PTCHD1: variants seen among roughly 807,000 people sequenced by gnomAD.
PTCHD1 encodes patched domain containing 1.
PTCHD1 carries 3 observed loss-of-function variants against 34.6 expected under a neutral mutation model. That is an observed-to-expected ratio of 0.09 (90% confidence interval 0.04 to 0.22). The LOEUF is 0.22. Ranked by LOEUF, PTCHD1 falls within the 10% of genes least tolerant of loss-of-function variation. The pLI, the probability that PTCHD1 is intolerant of heterozygous loss-of-function variation, is 1.00. For missense variants in PTCHD1, 504 were observed against 685.5 expected, an observed-to-expected ratio of 0.74 and a Z score of 2.96; for synonymous variants, 305 against 283.1, an observed-to-expected ratio of 1.08 and a Z score of -0.77.
rs1442336602 is a variant in PTCHD1 at position 23,395,649 on chromosome X, T to A, written c.*1464T>A. 1 of 112,094 alleles carries A rather than the reference T, an allele frequency of 8.9e-6. No homozygotes were observed. Among genetic ancestry groups the A allele is most frequent in the African/African-American group, 3.2e-5 (1 of 30,783 alleles). 9.2% of individuals were successfully genotyped at this position (112,094 alleles called of 1,213,427 possible). A position where few individuals can be genotyped will look rare whatever the true frequency, so the allele number is the denominator to read the frequency against. Reference sequence around the variant, plus strand: ...TAGATCTAAACAGAAATGGTTTAGATCTAAAAAGGCTGTATACGTTGCCCA... The same window carrying A: ...TAGATCTAAACAGAAATGGTTTAGAACTAAAAAGGCTGTATACGTTGCCCA... On this transcript the variant is annotated 3_prime_UTR_variant, in exon 3 of 3. Transcript: ENST00000379361.
At position 23,334,980 on chromosome X, in the gene PTCHD1, C is replaced by T; in HGVS notation, c.105C>T (p.Ile35=). 1 of 1,210,226 alleles carries T rather than the reference C, an allele frequency of 8.3e-7. No individual in the cohort carries two copies. Among genetic ancestry groups the T allele is most frequent in the Non-Finnish European group, 1.1e-6 (1 of 894,663 alleles). ...PVFFASAPVL[I]SILLGASFSR... ...TCTTCGCCTCGGCGCCGGTGCTCAT[C>T]TCCATCCTGCTCGGCGCCAGCTTCA... The change falls in exon 1 of 3, where the codon ATC becomes ATT. Residue 35 remains isoleucine (I), a synonymous_variant. Transcript: ENST00000379361.
intron 1 of PTCHD1, among the ~76,000 whole-genome samples, chrX:23,354,446 G>C (rs913662694): frequency 2.9e-5 from 3 of 105,054 alleles, no homozygotes; most frequent in Non-Finnish European, 3.9e-5. Flanking sequence ...GAGAGAGAGA[G>C]AGAGAGAAAC....
In PTCHD1 at chrX:23,401,291, C is replaced by T. The variant is rs1054252766; in HGVS notation, c.*7106C>T. 5.3e-5 allele frequency: 6 copies of T among 112,375 alleles called. No individual in the cohort carries two copies. Among genetic ancestry groups the T allele is most frequent in the African/African-American group, 9.7e-5 (3 of 30,894 alleles). 9.3% of individuals were successfully genotyped at this position (112,375 alleles called of 1,213,427 possible). ...GGCTCATGCTCAGGAAAACTAATAA[C>T]GTTCTCTTTGACAAAACAATTTCCT... On this transcript the variant is annotated 3_prime_UTR_variant, in exon 3 of 3. Transcript: ENST00000379361.
intron 1 of PTCHD1, among the ~76,000 whole-genome samples, chrX:23,373,940 C>T (rs931574488): frequency 1.8e-5 from 2 of 111,326 alleles, no homozygotes; most frequent in African/African-American, 3.3e-5. Context: ...TATTTGGGGA[C>T]GGATGATATA....
upstream of PTCHD1, chrX:23,334,677 C>G: frequency 9.4e-6 from 1 of 106,199 alleles, no homozygotes; most frequent in Non-Finnish European, 2.0e-5. Flanking sequence ...GTCTCCGGCT[C>G]GAGGGGACCC....
intron 2 of PTCHD1, among the ~76,000 whole-genome samples, chrX:23,388,131 A>G (rs756206238): frequency 3.6e-5 from 4 of 111,195 alleles, no homozygotes; most frequent in African/African-American, 6.6e-5. Context: ...ATGACTCCCA[A>G]TAACACCACA....
At chrX:23,392,051 CTTTCT>C (rs1329086996) in intron 2 of PTCHD1, among the ~76,000 whole-genome samples, 1 of 72,045 alleles carries the variant, frequency 1.4e-5, no homozygotes, top group Non-Finnish European at 2.5e-5. Flanking sequence ...CTTTTTTTTT[CTTTCT>C]TTTTTCTTTC....
chrX:23,353,274 C>A (rs1214758932), intron 1 of PTCHD1, among the ~76,000 whole-genome samples: 2 of 112,572 alleles, frequency 1.8e-5, no homozygotes, highest in Middle Eastern at 4.6e-3. Flanking sequence ...TCTCATGAGT[C>A]TTAAAGGTTT....
At chrX:23,363,774 C>T (rs777749196) in intron 1 of PTCHD1, among the ~76,000 whole-genome samples, 8 of 112,597 alleles carry the variant, frequency 7.1e-5, no homozygotes, top group Non-Finnish European at 1.3e-4. Flanking sequence ...TGTTCCTATT[C>T]GGCCATCTTG....
intron 1 of PTCHD1, among the ~76,000 whole-genome samples, chrX:23,358,500 T>G (rs1446157590): frequency 1.8e-5 from 2 of 112,249 alleles, no homozygotes; most frequent in African/African-American, 3.2e-5. Context: ...GGTTGTTTGT[T>G]TTTTTCTTGT....
chrX:23,379,464 T>C, intron 1 of PTCHD1, 127 bp from the exon 2 acceptor site: 3 of 694,698 alleles, frequency 4.3e-6, no homozygotes, highest in Non-Finnish European at 6.4e-6. Context: ...TCCTACTACC[T>C]ATTTCTGATC....
rs779683290 is a variant in PTCHD1 at position 23,401,608 on chromosome X, TACAC to T, written c.*7427_*7430del. On this transcript the variant is annotated 3_prime_UTR_variant, in exon 3 of 3. Coordinates refer to ENST00000379361, the MANE Select transcript of PTCHD1 (RefSeq NM_173495.3). ...ACCTGTACATATGCACATGCTTACA[TACAC>T]ACATATCACAGATGTGCATGCACAC... 4 of 113,008 alleles carry T rather than the reference TACAC, an allele frequency of 3.5e-5. No individual in the cohort carries two copies. Among genetic ancestry groups the T allele is most frequent in the East Asian group, 2.8e-4 (1 of 3,608 alleles). The allele number at this position is 113,008 out of a possible 1,213,427, so 9.3% of individuals were successfully genotyped here.
At chrX:23,344,166 T>C (rs1921414665) in intron 1 of PTCHD1, among the ~76,000 whole-genome samples, 1 of 112,266 alleles carries the variant, frequency 8.9e-6, no homozygotes, top group Non-Finnish European at 1.9e-5. Context: ...AATTTAACTG[T>C]TGTAAACAGA....
At chrX:23,359,759 C>G (rs1294603856) in intron 1 of PTCHD1, among the ~76,000 whole-genome samples, 1 of 111,925 alleles carries the variant, frequency 8.9e-6, no homozygotes, top group African/African-American at 3.3e-5. Context: ...AGTTTTTGCC[C>G]ATTCAGTATG....
chrX:23,388,729 G>A (rs979455621), intron 2 of PTCHD1, among the ~76,000 whole-genome samples: 1 of 112,002 alleles, frequency 8.9e-6, no homozygotes, highest in African/African-American at 3.2e-5. Context: ...TACCCAGGAG[G>A]CTGAGGCAGG....
Position 23,334,923 on chromosome X carries a change from G to A in PTCHD1, c.48G>A (p.Arg16=). ...LHRGLRTCFS[R]LGHFIASHPV... ...GGGGCTTGAGGACGTGTTTCTCCCG[G>A]CTCGGCCACTTCATTGCCAGTCACC... The change falls in exon 1 of 3, where the codon CGG becomes CGA. Residue 16 remains arginine, a synonymous_variant. Transcript: ENST00000379361. 1 of 1,202,105 alleles carries A rather than the reference G, an allele frequency of 8.3e-7. No homozygotes were observed. The highest frequency in any genetic ancestry group is 1.1e-6 in the Non-Finnish European group (1 of 890,931).
Position 23,380,040 on chromosome X carries a change from A to C in PTCHD1, c.801A>C (p.Val267=), listed in dbSNP as rs778929986. 10 of 1,211,862 alleles carry C rather than the reference A, an allele frequency of 8.3e-6. No homozygotes were observed. Among genetic ancestry groups the C allele is most frequent in the Admixed American group, 2.2e-5 (1 of 46,087 alleles). ...AAGATTTCCAGAAGACCAGCCGCGT[A>C]TCAGAACGTTACCTGGTCACCAGCC... The part of the protein sequence containing the change: ...LREDFQKTSR[V]SERYLVTSLI... Residue 267 remains valine (V), a synonymous_variant, in exon 2 of 3, where the codon GTA becomes GTC. Coordinates refer to ENST00000379361, the MANE Select transcript of PTCHD1 (RefSeq NM_173495.3).
At chrX:23,363,497 C>A (rs1922048126) in intron 1 of PTCHD1, among the ~76,000 whole-genome samples, 1 of 113,020 alleles carries the variant, frequency 8.8e-6, no homozygotes, top group Admixed American at 9.3e-5. Context: ...CCATTTGCTA[C>A]GACTGTTGGA....
chrX:23,380,885 A>G (rs1175653675), intron 2 of PTCHD1, among the ~76,000 whole-genome samples: 1 of 111,180 alleles, frequency 9.0e-6, no homozygotes, highest in Non-Finnish European at 1.9e-5. Flanking sequence ...AGCACTTCCC[A>G]GGGAGGTGCT....
Sources: gnomAD v4.1 joint callset for allele counts (sites outside exome capture counted in the v4.1 genomes callset) on GRCh38, gnomAD v4.1.1 for gene constraint, MANE v1.5 for transcripts, NCBI Gene and HGNC (gene_info 2026-07-23, HGNC 2026-07-21) for gene names.